The following ATP2B4 variants were observed in gnomAD, a reference collection of about 807,000 sequenced individuals.
ATP2B4 encodes the protein ATPase plasma membrane Ca2+ transporting 4.
In ATP2B4, 39 loss-of-function variants were observed where a neutral mutation model predicts 110.3. That is an observed-to-expected ratio of 0.35 (90% CI 0.27 to 0.46). The LOEUF (loss-of-function observed/expected upper bound fraction) is 0.46, where lower values mean the gene tolerates loss of function less well. ATP2B4 is among the 20% of genes least tolerant of loss of function. The probability of loss-of-function intolerance (pLI) is 1.00; values close to 1 mark genes in which losing one functional copy is unlikely to be tolerated. For missense variants in ATP2B4, 1,135 were observed against 1,530.9 expected, an observed-to-expected ratio of 0.74 and a Z score of 4.32; for synonymous variants, 538 against 571.7, an observed-to-expected ratio of 0.94 and a Z score of 0.84.
chr1:203,683,700 G>C (rs1292035063), intron 2 of ATP2B4, among the ~76,000 whole-genome samples: 2 of 119,212 alleles, frequency 1.7e-5, no homozygotes, highest in Non-Finnish European at 3.3e-5. Flanking sequence ...GTGAGACAGG[G>C]TCCTGCTCTT....
At chr1:203,723,585 C>T (rs752578708) in intron 18 of ATP2B4, among the ~76,000 whole-genome samples, 4 of 151,784 alleles carry the variant, frequency 2.6e-5, no homozygotes, top group Non-Finnish European at 5.9e-5. Context: ...GTACCTTCTC[C>T]TTGTCACTAA....
rs1195690361 is a variant in ATP2B4, at chr1:203,739,936, T to C, written c.*82T>C. The stretch of plus-strand genomic sequence containing the variant: ...ATCTATGAGGTGATGATGGGACTTT[T>C]CATTGTCACGTCAGCTGCTGTGTTA... On this transcript the variant is annotated 3_prime_UTR_variant, in exon 21 of 21. Transcript: ENST00000357681. 15 of 1,432,664 alleles carry C rather than the reference T, an allele frequency of 1.0e-5. No homozygotes were observed. Among genetic ancestry groups the C allele is most frequent in the Non-Finnish European group, 1.4e-5 (15 of 1,058,600 alleles). 88.7% of individuals were successfully genotyped at this position (1,432,664 alleles called of 1,614,324 possible).
At chr1:203,660,619 G>A (rs1386373815) in intron 1 of ATP2B4, among the ~76,000 whole-genome samples, 1 of 151,996 alleles carries the variant, frequency 6.6e-6, no homozygotes, top group Non-Finnish European at 1.5e-5. Flanking sequence ...GGCCAACATG[G>A]TGAAACCCCA....
At chr1:203,705,126 C>T (rs1571743596) in intron 8 of ATP2B4, among the ~76,000 whole-genome samples, 1 of 152,132 alleles carries the variant, frequency 6.6e-6, no homozygotes, top group South Asian at 2.1e-4. Flanking sequence ...TAGTTGGTCA[C>T]GAGCCACATG....
chr1:203,720,877 A>G (rs1666301475), intron 16 of ATP2B4, 137 bp downstream of exon 16: 1 of 1,087,744 alleles, frequency 9.2e-7, no homozygotes, highest in Admixed American at 2.9e-5. Flanking sequence ...TAGCTCTTCT[A>G]AGTCTGCTGT....
chr1:203,630,996 T>C (rs1047157397), intron 1 of ATP2B4, among the ~76,000 whole-genome samples: 2 of 152,254 alleles, frequency 1.3e-5, no homozygotes, highest in Non-Finnish European at 2.9e-5. Flanking sequence ...CTTGTTCCAC[T>C]GACTTATTTC....
chr1:203,723,864 C>T lies in ATP2B4; in HGVS notation c.3025-17C>T, dbSNP rs770855799. On this transcript the variant is annotated splice_polypyrimidine_tract_variant and intron_variant, in intron 18 of 20. Coordinates refer to ENST00000357681, the MANE Select transcript of ATP2B4 (RefSeq NM_001684.5). ...AGTCATTTCCTTGATGGTGGGCTGCCCCTTTCTCTGTTCTAGATTTTCATC... is the reference window on the plus strand; with the variant it reads ...AGTCATTTCCTTGATGGTGGGCTGCTCCTTTCTCTGTTCTAGATTTTCATC... The T allele has an allele frequency of 1.9e-6, 3 of 1,585,840 alleles. No individual in the cohort carries two copies. The East Asian group carries it at 7.0e-5, about 37-fold the overall frequency.
intron 15 of ATP2B4, 110 bp downstream of exon 15, chr1:203,714,387 C>A: frequency 9.1e-7 from 1 of 1,098,980 alleles, no homozygotes; most frequent in Non-Finnish European, 1.4e-6. Context: ...CCATGGGGTG[C>A]TTTTTTGTCC....
rs575319145 is a variant in ATP2B4 at position 203,728,773 on chromosome 1, C to G, written c.3309+1202C>G. On this transcript the variant is annotated intron_variant, in intron 20 of 20. Transcript: ENST00000357681. ...TCGGGAGGCTGAGGCAGAAGAATTACTTGAACCCGGGAGGCAGAGGTTGTA... is the reference window on the plus strand; with the variant it reads ...TCGGGAGGCTGAGGCAGAAGAATTAGTTGAACCCGGGAGGCAGAGGTTGTA... Among the ~76,000 whole-genome samples, 27 of 152,122 alleles carry G rather than the reference C, an allele frequency of 1.8e-4. No homozygotes were observed. The East Asian group carries it at 5.0e-3, about 28-fold the overall frequency.
intron 2 of ATP2B4, among the ~76,000 whole-genome samples, chr1:203,688,473 AT>A (rs5780192): frequency 4.0e-5 from 6 of 149,062 alleles, no homozygotes; most frequent in Non-Finnish European, 8.9e-5. Context: ...TAATTTTTGT[AT>A]TTTTTTTTGT....
At chr1:203,672,137 G>A (rs368540339) in intron 1 of ATP2B4, among the ~76,000 whole-genome samples, 1 of 152,190 alleles carries the variant, frequency 6.6e-6, no homozygotes, top group African/African-American at 2.4e-5. Flanking sequence ...TTCTCCTTGA[G>A]GAGCTGAGCC....
At chr1:203,648,135 G>C (rs942572919) in intron 1 of ATP2B4, among the ~76,000 whole-genome samples, 1 of 152,150 alleles carries the variant, frequency 6.6e-6, no homozygotes, top group Non-Finnish European at 1.5e-5. Context: ...TGGTGGAGAG[G>C]CTGGCTCCTG....
intron 2 of ATP2B4, among the ~76,000 whole-genome samples, chr1:203,692,321 G>A (rs1236126713): frequency 6.6e-6 from 1 of 152,150 alleles, no homozygotes; most frequent in African/African-American, 2.4e-5. Context: ...GGGACCACAG[G>A]CACACGCCAT....
chr1:203,729,456 A>C, intron 20 of ATP2B4: 1 of 361,316 alleles, frequency 2.8e-6, no homozygotes, highest in South Asian at 2.1e-5. Flanking sequence ...GAGGCAGGAG[A>C]ATCGCTTGAA....
intron 20 of ATP2B4, chr1:203,733,433 C>T (rs774062756): frequency 8.3e-6 from 13 of 1,566,462 alleles, no homozygotes; most frequent in South Asian, 1.2e-5. Context: ...GCATGATTTG[C>T]TAAAATGACC....
intron 15 of ATP2B4, among the ~76,000 whole-genome samples, chr1:203,716,727 G>A (rs1313312297): frequency 6.9e-6 from 1 of 144,812 alleles, no homozygotes; most frequent in Non-Finnish European, 1.5e-5. Flanking sequence ...CTATCCCTCA[G>A]TATAGATTTT....
At chr1:203,653,511 G>A (rs1395726733) in intron 1 of ATP2B4, among the ~76,000 whole-genome samples, 2 of 152,234 alleles carry the variant, frequency 1.3e-5, no homozygotes, top group Non-Finnish European at 2.9e-5. Flanking sequence ...CTAGAAAGGA[G>A]AAGTCAATGC....
chr1:203,683,316 A>G lies in ATP2B4; in HGVS notation c.111A>G (p.Ser37=), dbSNP rs1419114. ...MELRKLMELR[S]RDALTQINVH... Reference sequence around the variant, plus strand: ...TGAGGAAGCTCATGGAGCTGCGTTCAAGGGATGCACTGACCCAGATTAATG... The same window carrying G: ...TGAGGAAGCTCATGGAGCTGCGTTCGAGGGATGCACTGACCCAGATTAATG... Residue 37 remains serine (S), a synonymous_variant, in exon 2 of 21, where the codon TCA becomes TCG. Coordinates refer to ENST00000357681, the MANE Select transcript of ATP2B4 (RefSeq NM_001684.5). 0.89 allele frequency: 1,429,271 copies of G among 1,614,012 alleles called. 635,665 individuals carry two copies. The highest frequency in any genetic ancestry group is 1 in the East Asian group (44,862 of 44,876).
chr1:203,659,710 G>A (rs1474959792), intron 1 of ATP2B4, among the ~76,000 whole-genome samples: 1 of 152,104 alleles, frequency 6.6e-6, no homozygotes, highest in Non-Finnish European at 1.5e-5. Context: ...GAAGCCTGTA[G>A]TTCTAGCTAC....
Sources: allele counts gnomAD v4.1 joint callset (sites outside exome capture counted in the v4.1 genomes callset), GRCh38; gene constraint gnomAD v4.1.1; transcripts MANE v1.5; gene names NCBI Gene and HGNC (gene_info 2026-07-23, HGNC 2026-07-21).